The following SSBP4 variants were observed in gnomAD, a reference collection of about 807,000 sequenced individuals.
SSBP4 encodes single-stranded DNA-binding protein 4.
A neutral mutation model predicts 64.6 loss-of-function variants in SSBP4; 33 were observed. The ratio of observed to expected loss-of-function variants is 0.51; its 90% CI spans 0.39 to 0.68. The LOEUF is 0.68. Among genes scored for constraint, SSBP4 ranks in the 30% least tolerant of loss-of-function variants. The pLI is 0.00. For missense variants in SSBP4, 583 were observed against 566.8 expected, an observed-to-expected ratio of 1.03 and a Z score of -0.29; for synonymous variants, 243 against 224.0, an observed-to-expected ratio of 1.08 and a Z score of -0.76.
At position 18,431,634 on chromosome 19, in the gene SSBP4, C is replaced by A; in HGVS notation, c.436-13C>A. The stretch of plus-strand genomic sequence containing the variant: ...GGTGGGGGAAGGTGCTGATCCCCGC[C>A]CACCTCTTCCAGCCCTTCATGTCAC... On this transcript the variant is annotated splice_polypyrimidine_tract_variant and intron_variant, in intron 6 of 17. Transcript: ENST00000270061. The A allele has an allele frequency of 6.5e-7, 1 of 1,542,486 alleles. No homozygotes were observed. Among genetic ancestry groups the A allele is most frequent in the Non-Finnish European group, 8.8e-7 (1 of 1,141,654 alleles).
At chr19:18,428,740 C>T (rs778518341) in intron 4 of SSBP4, among the ~76,000 whole-genome samples, 2 of 152,110 alleles carry the variant, frequency 1.3e-5, no homozygotes, top group African/African-American at 4.8e-5. Context: ...AGAGGCGGCC[C>T]GAGGGGTGGG....
upstream of SSBP4, among the ~76,000 whole-genome samples, chr19:18,415,732 G>A (rs1048253207): frequency 3.3e-5 from 5 of 152,300 alleles, no homozygotes; most frequent in South Asian, 2.1e-4. Context: ...AACCGCTAGC[G>A]CAAAGGCTTA....
At chr19:18,432,941 G>A (rs751149557) in intron 13 of SSBP4, 32 bp from the exon 14 acceptor site, 7 of 1,614,052 alleles carry the variant, frequency 4.3e-6, no homozygotes, top group South Asian at 2.2e-5. Context: ...GGGAAACCCC[G>A]TCACACCTGG....
chr19:18,432,005 C>G lies in SSBP4; in HGVS notation c.571C>G (p.Pro191Ala). The change falls in exon 9 of 18, where the codon CCG becomes GCG. Residue 191 changes from proline (P) to alanine (A), a missense_variant. Physicochemically the swap from Pro to Ala is conservative, Grantham distance 27 (BLOSUM62 -1). Around this residue, in one of 5 missense-constraint regions of SSBP4, gnomAD observed 444 missense variants for 386.6 expected, o/e 1.15. Transcript: ENST00000270061. Reference protein sequence around the residue: ...MEPSPRAQGHPSMGGPMQRVT... With the variant: ...MEPSPRAQGHASMGGPMQRVT... ...TTCCTTCTGCCCCACCCCAGGGCATCCGAGCATGGGCGGCCCAATGCAGAG... is the reference window on the plus strand; with the variant it reads ...TTCCTTCTGCCCCACCCCAGGGCATGCGAGCATGGGCGGCCCAATGCAGAG... The G allele has an allele frequency of 6.4e-7, 1 of 1,560,650 alleles. No individual in the cohort carries two copies. Among genetic ancestry groups the G allele is most frequent in the Non-Finnish European group, 8.7e-7 (1 of 1,148,230 alleles).
Position 18,433,164 on chromosome 19 carries a change from C to T in SSBP4, c.942C>T (p.Pro314=). ...CGCTCGGCCCTGGCCCGGAGGGCCC[C>T]ATGGCCGCCATGAGCGCGATGGAGC... is the stretch of plus-strand genomic sequence containing the variant. ...NFPLGPGPEG[P]MAAMSAMEPH... Residue 314 remains proline (P), a synonymous_variant, in exon 15 of 18, where the codon CCC becomes CCT. Transcript: ENST00000270061. The T allele has an allele frequency of 6.3e-7, 1 of 1,595,196 alleles. No individual in the cohort carries two copies. The highest frequency in any genetic ancestry group is 1.1e-5 in the South Asian group (1 of 89,332).
the SSBP4 span, among the ~76,000 whole-genome samples, chr19:18,410,024 C>T: frequency 6.6e-6 from 1 of 152,134 alleles, no homozygotes; most frequent in Admixed American, 6.6e-5. Flanking sequence ...GACGGAGTCT[C>T]GCTCTGTCGC....
the SSBP4 span, among the ~76,000 whole-genome samples, chr19:18,405,486 C>T: frequency 7.2e-6 from 1 of 138,870 alleles, no homozygotes; most frequent in East Asian, 2.0e-4. Context: ...CATAGTGAGA[C>T]TCTGTCTCTA....
chr19:18,432,175 C>G lies in SSBP4; in HGVS notation c.665C>G (p.Pro222Arg), dbSNP rs1362015511. The stretch of plus-strand genomic sequence containing the variant: ...TATGGAGGTGGCATGCGACCCCCAC[C>G]CAACTCCCTCGCCGGCCCAGGCCTG... ...QSYGGGMRPP[P>R]NSLAGPGLPA... The change falls in exon 10 of 18, where the codon CCC (proline) becomes CGC (arginine). Residue 222 changes from proline to arginine, a missense_variant. Physicochemically the swap from Pro to Arg is moderately radical, Grantham distance 103. Around this residue, in one of 5 missense-constraint regions of SSBP4, gnomAD observed 444 missense variants for 386.6 expected, o/e 1.15. Transcript: ENST00000270061. 1 of 1,613,154 alleles carries G rather than the reference C, an allele frequency of 6.2e-7. No homozygotes were observed. Among genetic ancestry groups the G allele is most frequent in the Admixed American group, 1.7e-5 (1 of 60,030 alleles).
chr19:18,433,246 C>T, intron 15 of SSBP4, 33 bp downstream of exon 15: 2 of 1,539,268 alleles, frequency 1.3e-6, no homozygotes, highest in Non-Finnish European at 8.8e-7. Flanking sequence ...GCCCACGTTG[C>T]CTTCCGGGCC....
Position 18,433,188 on chromosome 19 carries a change from G to T in SSBP4, c.966G>T (p.Glu322Asp). The change falls in exon 15 of 18, where the codon GAG becomes GAT. Residue 322 changes from glutamate (E) to aspartate (D), a missense_variant. Glu to Asp is a conservative substitution (Grantham distance 45, BLOSUM62 2). Transcript: ENST00000270061. ...CCATGGCCGCCATGAGCGCGATGGAGCCTCACCACGTGAACGGATCCCTGG... is the reference window on the plus strand; with the variant it reads ...CCATGGCCGCCATGAGCGCGATGGATCCTCACCACGTGAACGGATCCCTGG... ...EGPMAAMSAM[E>D]PHHVNGSLGS... 6.3e-7 allele frequency: 1 copy of T among 1,581,842 alleles called. No individual in the cohort carries two copies. The highest frequency in any genetic ancestry group is 8.6e-7 in the Non-Finnish European group (1 of 1,164,720).
At chr19:18,418,041 C>T (rs1259416248), upstream of SSBP4, among the ~76,000 whole-genome samples, 2 of 152,082 alleles carry the variant, frequency 1.3e-5, no homozygotes, top group South Asian at 2.1e-4. This position sits in a 1 kb window ranked among gnomAD's most constrained non-coding sequence, Gnocchi z 6.7. Flanking sequence ...CCCACCCACG[C>T]GCGGAGACAC....
upstream of SSBP4, chr19:18,419,249 GC>G (rs1303075107): frequency 8.1e-6 from 8 of 990,386 alleles, no homozygotes; most frequent in Non-Finnish European, 7.2e-6. Context: ...GTGTAGCCGC[GC>G]CCCCACCCCC....
intron 10 of SSBP4, 121 bp downstream of exon 10, chr19:18,432,335 C>A: frequency 2.2e-6 from 3 of 1,378,638 alleles, no homozygotes; most frequent in South Asian, 1.3e-5. Flanking sequence ...TATTTCATGG[C>A]CACCGTTGAG....
the SSBP4 span, among the ~76,000 whole-genome samples, chr19:18,402,953 G>T: frequency 6.6e-6 from 1 of 152,132 alleles, no homozygotes; most frequent in Non-Finnish European, 1.5e-5. Context: ...TAAGAGGAAG[G>T]CCTCTGTCTC....
At chr19:18,433,936 G>T (rs1438438416) in intron 17 of SSBP4, 119 bp downstream of exon 17, 1 of 1,247,606 alleles carries the variant, frequency 8.0e-7, no homozygotes, top group Non-Finnish European at 1.0e-6. Flanking sequence ...GGGCCAGGTG[G>T]GGGGGCGGCC....
At chr19:18,408,408 C>T in the SSBP4 span, among the ~76,000 whole-genome samples, 2 of 152,236 alleles carry the variant, frequency 1.3e-5, no homozygotes, top group Non-Finnish European at 1.5e-5. Context: ...TCCCTTCCTG[C>T]CTCTTTAACC....
intron 17 of SSBP4, 151 bp from the exon 18 acceptor site, chr19:18,434,066 T>A: frequency 9.4e-7 from 1 of 1,066,044 alleles, no homozygotes; most frequent in Non-Finnish European, 1.1e-6. Context: ...GGCCTTCCCA[T>A]GCATCGCCCC....
intron 10 of SSBP4, 121 bp downstream of exon 10, chr19:18,432,335 C>T (rs1973474843): frequency 7.3e-7 from 1 of 1,378,644 alleles, no homozygotes; most frequent in South Asian, 1.3e-5. Flanking sequence ...TATTTCATGG[C>T]CACCGTTGAG....
the SSBP4 span, among the ~76,000 whole-genome samples, chr19:18,407,904 G>A: frequency 6.6e-6 from 1 of 151,964 alleles, no homozygotes; most frequent in Non-Finnish European, 1.5e-5. Context: ...CACCACACCC[G>A]CCTAATTTTT....
Sources: gnomAD v4.1 joint callset for allele counts (sites outside exome capture counted in the v4.1 genomes callset) on GRCh38, gnomAD v4.1.1 for gene constraint, gnomAD v4.1.1 regional missense constraint, Gnocchi (gnomAD v3.1) non-coding constraint, MANE v1.5 for transcripts, NCBI Gene and HGNC (gene_info 2026-07-23, HGNC 2026-07-21) for gene names.